Variants in LRRC7 observed in about 807,000 individuals in gnomAD.
LRRC7 encodes leucine-rich repeat-containing protein 7.
In LRRC7, 23 loss-of-function variants were observed where a neutral mutation model predicts 175.7. That is an observed-to-expected ratio of 0.13 (90% CI 0.09 to 0.19). The LOEUF is 0.19. LRRC7 is among the 10% of genes least tolerant of loss of function. The probability of loss-of-function intolerance (pLI) is 1.00; values close to 1 mark genes in which losing one functional copy is unlikely to be tolerated. For missense variants in LRRC7, 1,354 were observed against 1,904.7 expected (o/e 0.71, Z 5.38); for synonymous variants, 685 against 680.9 (o/e 1.01, Z -0.09).
intron 7 of LRRC7, among the ~76,000 whole-genome samples, chr1:69,871,338 A>G (rs1048826400): frequency 5.3e-5 from 8 of 152,032 alleles, no homozygotes; most frequent in African/African-American, 1.7e-4. Context: ...TGAATAATCT[A>G]TATGCCCTAT....
chr1:69,588,788 C>T (rs182434672), intron 1 of LRRC7, among the ~76,000 whole-genome samples: 171 of 152,250 alleles, frequency 1.1e-3, no homozygotes, highest in Non-Finnish European at 2.1e-3. Context: ...TTTATAGTCA[C>T]TGTCACAAAT....
intron 7 of LRRC7, among the ~76,000 whole-genome samples, chr1:69,908,969 A>G (rs977181348): frequency 4.6e-5 from 7 of 151,896 alleles, no homozygotes; most frequent in African/African-American, 7.3e-5. Context: ...TCGGGTGCAT[A>G]TATATTTAGG....
At chr1:69,838,974 C>T (rs1209158494) in intron 7 of LRRC7, 2 of 183,778 alleles carry the variant, frequency 1.1e-5, no homozygotes, top group Non-Finnish European at 1.2e-5. Flanking sequence ...GTTTTTTACT[C>T]AATTAAATCA....
At position 69,986,393 on chromosome 1, in the gene LRRC7, A is replaced by G. The variant is rs1653936842; in HGVS notation, c.931+7A>G. The G allele has an allele frequency of 1.2e-6, 2 of 1,601,480 alleles. No homozygotes were observed. The highest frequency in any genetic ancestry group is 1.7e-6 in the Non-Finnish European group (2 of 1,175,546). Reference sequence around the variant, plus strand: ...CAATTGCCTGATTCTATAGGTGAGAATATAATATTTTGTCACAAATATTTA... The same window carrying G: ...CAATTGCCTGATTCTATAGGTGAGAGTATAATATTTTGTCACAAATATTTA... On this transcript the variant is annotated splice_region_variant and intron_variant, in intron 10 of 26. Transcript: ENST00000651989.
intron 25 of LRRC7, among the ~76,000 whole-genome samples, chr1:70,105,841 A>G (rs1302392504): frequency 6.6e-6 from 1 of 152,166 alleles, no homozygotes; most frequent in Admixed American, 6.6e-5. Context: ...TTTGATGCCT[A>G]TCTGTAGTGT....
intron 4 of LRRC7, among the ~76,000 whole-genome samples, chr1:69,793,327 A>G (rs78415640): frequency 0.031 from 4,729 of 152,238 alleles, 246 homozygotes; most frequent in African/African-American, 0.11. Flanking sequence ...AAGAAGCTAG[A>G]TAAGATTGGC....
At chr1:69,593,861 G>A (rs183906049) in intron 1 of LRRC7, among the ~76,000 whole-genome samples, 12 of 152,272 alleles carry the variant, frequency 7.9e-5, no homozygotes, top group Admixed American at 1.3e-4. Context: ...TGGAAGCAGA[G>A]GCTGGGAACT....
chr1:69,838,484 G>C (rs1319750855), intron 7 of LRRC7, among the ~76,000 whole-genome samples: 1 of 151,818 alleles, frequency 6.6e-6, no homozygotes, highest in African/African-American at 2.4e-5. Context: ...TGTAATTACA[G>C]GTAAAGGTGG....
chr1:70,060,395 A>G, intron 23 of LRRC7, among the ~76,000 whole-genome samples: 1 of 152,168 alleles, frequency 6.6e-6, no homozygotes, highest in Middle Eastern at 3.2e-3. Context: ...TTTTCCACTG[A>G]AAAGAAATAT....
chr1:69,825,153 A>G (rs1679760008), intron 4 of LRRC7, among the ~76,000 whole-genome samples: 1 of 152,186 alleles, frequency 6.6e-6, no homozygotes, highest in Non-Finnish European at 1.5e-5. Context: ...GGAGGACCCA[A>G]GGAAAACTGC....
intron 7 of LRRC7, among the ~76,000 whole-genome samples, chr1:69,918,725 TGTA>T (rs368611753): frequency 3.3e-5 from 5 of 152,204 alleles, no homozygotes; most frequent in African/African-American, 9.6e-5. Flanking sequence ...AAGTGGAAAA[TGTA>T]GTGACAGAAT....
At position 70,012,988 on chromosome 1, in the gene LRRC7, G is replaced by A. The variant is rs758748862; in HGVS notation, c.1149G>A (p.Lys383=). The A allele has an allele frequency of 5.2e-5, 81 of 1,556,362 alleles. No individual in the cohort carries two copies. Among genetic ancestry groups the A allele is most frequent in the Non-Finnish European group, 1.0e-5 (12 of 1,150,706 alleles). ...PELPREIGSC[K]NVTVMSLRSN... is the part of the protein sequence containing the mutation. ...GTTACCTACAGATTGGAAGTTGTAAGAATGTAACAGTCATGTCTCTACGCT... is the reference window on the plus strand; with the variant it reads ...GTTACCTACAGATTGGAAGTTGTAAAAATGTAACAGTCATGTCTCTACGCT... Residue 383 remains lysine, a synonymous_variant, in exon 13 of 27, where the codon AAG becomes AAA. Coordinates refer to ENST00000651989, the MANE Select transcript of LRRC7 (RefSeq NM_001370785.2).
intron 2 of LRRC7, among the ~76,000 whole-genome samples, chr1:69,738,018 G>A (rs1448606853): frequency 6.6e-6 from 1 of 152,000 alleles, no homozygotes; most frequent in Non-Finnish European, 1.5e-5. Flanking sequence ...TGTCAAATAG[G>A]AAATCTGACT....
chr1:69,745,140 G>A (rs570814598), intron 2 of LRRC7, among the ~76,000 whole-genome samples: 1 of 151,944 alleles, frequency 6.6e-6, no homozygotes, highest in Non-Finnish European at 1.5e-5. Flanking sequence ...TTCAAGATAT[G>A]AGAAGGGAAT....
At chr1:69,872,079 T>C (rs1685607398) in intron 7 of LRRC7, among the ~76,000 whole-genome samples, 1 of 151,986 alleles carries the variant, frequency 6.6e-6, no homozygotes, top group African/African-American at 2.4e-5. Flanking sequence ...TCTCTTTAGA[T>C]GGATCAAAAA....
intron 1 of LRRC7, among the ~76,000 whole-genome samples, chr1:69,636,298 A>AG (rs1653348162): frequency 6.6e-6 from 1 of 151,958 alleles, no homozygotes; most frequent in South Asian, 2.1e-4. Flanking sequence ...TCTGTTAGGC[A>AG]TTTTTCTTAG....
intron 8 of LRRC7, among the ~76,000 whole-genome samples, chr1:69,978,278 G>A (rs193281149): frequency 8.7e-5 from 13 of 148,876 alleles, no homozygotes; most frequent in South Asian, 2.2e-4. Flanking sequence ...GTGAGACTCC[G>A]TCGTCTGCGA....
intron 26 of LRRC7, among the ~76,000 whole-genome samples, chr1:70,109,145 C>T (rs911840598): frequency 2.0e-5 from 3 of 152,078 alleles, no homozygotes; most frequent in African/African-American, 4.8e-5. Context: ...CCTCAGCCTC[C>T]CAAGTAGCTG....
intron 3 of LRRC7, among the ~76,000 whole-genome samples, chr1:69,783,402 G>C (rs757979217): frequency 6.6e-6 from 1 of 152,110 alleles, no homozygotes; most frequent in Non-Finnish European, 1.5e-5. Flanking sequence ...CACTTAAGTG[G>C]AAATAGGATA....
Sources: allele counts gnomAD v4.1 joint callset (sites outside exome capture counted in the v4.1 genomes callset), GRCh38; gene constraint gnomAD v4.1.1; transcripts MANE v1.5; gene names NCBI Gene and HGNC (gene_info 2026-07-23, HGNC 2026-07-21).